TRPC5: variants seen among roughly 807,000 people sequenced by gnomAD.
TRPC5 encodes transient receptor potential cation channel subfamily C member 5.
In TRPC5, 9 loss-of-function variants were observed where a neutral mutation model predicts 56.5. The observed-to-expected ratio is 0.16, with a 90% CI of 0.10 to 0.28. The LOEUF is 0.28. TRPC5 is among the 10% of genes least tolerant of loss of function. TRPC5 has a pLI of 1.00. For synonymous variants in TRPC5, 282 were observed against 278.5 expected (o/e 1.01, Z -0.13); for missense variants, 469 against 748.9 (o/e 0.63, Z 4.36).
chrX:111,902,436 T>G (rs190626743), intron 3 of TRPC5: 1 of 187,542 alleles, frequency 5.3e-6, no homozygotes, highest in East Asian at 1.0e-4. Flanking sequence ...CTTACTCTCA[T>G]GCTAGAATTT....
chrX:111,993,264 G>A (rs1166639584), intron 1 of TRPC5, among the ~76,000 whole-genome samples: 1 of 111,465 alleles, frequency 9.0e-6, no homozygotes. Flanking sequence ...GTATTCCATG[G>A]TGTATATGTG....
At chrX:111,934,229 T>TTTTTG (rs1169271857) in intron 2 of TRPC5, among the ~76,000 whole-genome samples, 2 of 109,968 alleles carry the variant, frequency 1.8e-5, no homozygotes, top group African/African-American at 3.3e-5. Flanking sequence ...CTCCTTCGTT[T>TTTTTG]TTTTGTTTTG....
chrX:111,899,317 CT>C (rs1925225938), intron 3 of TRPC5, among the ~76,000 whole-genome samples: 1 of 111,244 alleles, frequency 9.0e-6, no homozygotes, highest in South Asian at 3.8e-4. Context: ...TTCTACCTCT[CT>C]GCTTTTTATG....
At chrX:111,930,399 G>A (rs1301321697) in intron 2 of TRPC5, among the ~76,000 whole-genome samples, 2 of 110,694 alleles carry the variant, frequency 1.8e-5, no homozygotes, top group Non-Finnish European at 3.8e-5. Flanking sequence ...TAACAAACTT[G>A]CACATTCTGC....
At chrX:111,894,133 G>A (rs2148609192) in intron 3 of TRPC5, among the ~76,000 whole-genome samples, 1 of 111,312 alleles carries the variant, frequency 9.0e-6, no homozygotes, top group Non-Finnish European at 1.9e-5. Flanking sequence ...CCTCACCAAA[G>A]GTGCATTTTA....
At position 111,768,878 on chromosome X, in the gene TRPC5, T is replaced by C. The variant is rs183699658; in HGVS notation, c.*7435A>G. Among the ~76,000 whole-genome samples the C allele has an allele frequency of 6.7e-3, 748 of 111,840 alleles. 3 individuals are homozygous for C. Among genetic ancestry groups the C allele is most frequent in the Non-Finnish European group, 9.8e-3 (520 of 53,074 alleles). The stretch of plus-strand genomic sequence containing the variant: ...CACGTACACTAAGCACAGTTATCAC[T>C]GATTTATTGGACTACAGGTTACTTT... On this transcript the variant is annotated 3_prime_UTR_variant, in exon 11 of 11. Coordinates refer to ENST00000262839, the MANE Select transcript of TRPC5 (RefSeq NM_012471.3).
intron 3 of TRPC5, among the ~76,000 whole-genome samples, chrX:111,894,555 T>A (rs1278431515): frequency 9.0e-6 from 1 of 111,326 alleles, no homozygotes; most frequent in Non-Finnish European, 1.9e-5. Flanking sequence ...GCCTTAGCAC[T>A]GCCATGAAGT....
intron 7 of TRPC5, among the ~76,000 whole-genome samples, chrX:111,786,503 T>C (rs1945967013): frequency 9.0e-6 from 1 of 111,358 alleles, no homozygotes; most frequent in African/African-American, 3.3e-5. Context: ...AGAAACTGCA[T>C]CAATTAACGG....
chrX:111,979,117 G>A (rs1009001676), intron 1 of TRPC5, among the ~76,000 whole-genome samples: 1 of 111,216 alleles, frequency 9.0e-6, no homozygotes, highest in South Asian at 3.7e-4. Context: ...TGTGGTAGTA[G>A]CATCAAGAGA....
intron 1 of TRPC5, among the ~76,000 whole-genome samples, chrX:111,961,079 G>A (rs1268292235): frequency 8.9e-6 from 1 of 111,821 alleles, no homozygotes. Flanking sequence ...CAAAGTGCTG[G>A]GATTACAGGC....
chrX:112,053,573 G>A (rs1930269680), intron 1 of TRPC5, among the ~76,000 whole-genome samples: 1 of 111,822 alleles, frequency 8.9e-6, no homozygotes, highest in African/African-American at 3.3e-5. Context: ...TGAGAGCTAA[G>A]AGGAATGACT....
At chrX:112,076,350 A>G (rs189830525) in intron 1 of TRPC5, among the ~76,000 whole-genome samples, 238 of 111,220 alleles carry the variant, frequency 2.1e-3, no homozygotes, top group Non-Finnish European at 2.7e-3. Flanking sequence ...GATTTCTTGG[A>G]CTTTATGAGT....
chrX:111,990,885 G>T (rs181119071), intron 1 of TRPC5, among the ~76,000 whole-genome samples: 5 of 112,153 alleles, frequency 4.5e-5, no homozygotes, highest in Non-Finnish European at 9.4e-5. Context: ...AATTCCTCGT[G>T]CGACTTACTT....
At chrX:111,879,486 C>G (rs1186302013) in intron 3 of TRPC5, among the ~76,000 whole-genome samples, 1 of 112,131 alleles carries the variant, frequency 8.9e-6, no homozygotes, top group African/African-American at 3.2e-5. Flanking sequence ...CTTGCTATTG[C>G]CCTTGAATCT....
chrX:111,785,895 C>T (rs1378409663), intron 7 of TRPC5, among the ~76,000 whole-genome samples: 1 of 111,574 alleles, frequency 9.0e-6, no homozygotes, highest in Admixed American at 9.5e-5. Flanking sequence ...AACAAAGCCT[C>T]CAAGAAATAT....
intron 1 of TRPC5, among the ~76,000 whole-genome samples, chrX:112,023,471 A>C: frequency 9.2e-6 from 1 of 108,612 alleles, no homozygotes; most frequent in East Asian, 2.9e-4. Context: ...TGAACTGGCT[A>C]GATCCTGGCA....
intron 3 of TRPC5, among the ~76,000 whole-genome samples, chrX:111,859,988 A>G (rs1416865003): frequency 5.3e-5 from 6 of 113,009 alleles, no homozygotes; most frequent in Middle Eastern, 4.6e-3. Flanking sequence ...AGCTCACTGC[A>G]AGCTCCGCCT....
rs5985665 is a variant in TRPC5, at chrX:111,942,721, C to T, written c.378+9322G>A. ...TCCTTTTCTCTCAATTTAAACTAAA[C>T]GATTTATTTTCTTGATTTGATTGAC... On this transcript the variant is annotated intron_variant, in intron 2 of 10. Transcript: ENST00000262839. Among the ~76,000 whole-genome samples the T allele has an allele frequency of 3.8e-3, 424 of 112,282 alleles. 4 individuals carry two copies. Among genetic ancestry groups the T allele is most frequent in the African/African-American group, 0.013 (404 of 30,929 alleles).
At chrX:112,054,757 A>G (rs1930303182) in intron 1 of TRPC5, among the ~76,000 whole-genome samples, 1 of 110,924 alleles carries the variant, frequency 9.0e-6, no homozygotes, top group Non-Finnish European at 1.9e-5. Flanking sequence ...TCATACTGTC[A>G]CCTCCTCTTG....
Sources: allele counts gnomAD v4.1 joint callset (sites outside exome capture counted in the v4.1 genomes callset), GRCh38; gene constraint gnomAD v4.1.1; transcripts MANE v1.5; gene names NCBI Gene and HGNC (gene_info 2026-07-23, HGNC 2026-07-21).